The following RCAN2 variants were observed in gnomAD, a reference collection of about 807,000 sequenced individuals.
RCAN2 encodes the protein regulator of calcineurin 2, also known as calcipressin-2.
A neutral mutation model predicts 23.6 loss-of-function variants in RCAN2; 9 were observed. The observed-to-expected ratio is 0.38, with a 90% confidence interval of 0.23 to 0.67. The LOEUF (loss-of-function observed/expected upper bound fraction) is 0.67, where lower values mean the gene tolerates loss of function less well. Among genes scored for constraint, RCAN2 ranks in the 30% least tolerant of loss-of-function variants. The pLI, the probability that RCAN2 is intolerant of heterozygous loss-of-function variation, is 0.51. For synonymous variants in RCAN2, 109 were observed against 115.7 expected, an observed-to-expected ratio of 0.94 and a Z score of 0.37; for missense variants, 273 against 302.3, an observed-to-expected ratio of 0.90 and a Z score of 0.72.
intron 2 of RCAN2, among the ~76,000 whole-genome samples, chr6:46,388,158 C>T (rs1424761774): frequency 6.6e-5 from 10 of 151,858 alleles, no homozygotes; most frequent in East Asian, 5.8e-4. Context: ...ATGTAAATGA[C>T]GAGTTAATGG....
intron 2 of RCAN2, among the ~76,000 whole-genome samples, chr6:46,390,800 A>T: frequency 6.6e-6 from 1 of 152,226 alleles, no homozygotes; most frequent in East Asian, 1.9e-4. Flanking sequence ...TTTTTGAAGT[A>T]TATCGATCTT....
intron 4 of RCAN2, among the ~76,000 whole-genome samples, chr6:46,225,010 C>G (rs1765611292): frequency 1.3e-5 from 2 of 151,282 alleles, no homozygotes; most frequent in Admixed American, 1.3e-4. Context: ...TCAATTCCCA[C>G]CTATGAGTGA....
chr6:46,333,335 A>T (rs1333657794), intron 2 of RCAN2, among the ~76,000 whole-genome samples: 1 of 152,220 alleles, frequency 6.6e-6, no homozygotes, highest in Admixed American at 6.5e-5. Flanking sequence ...GATGCTGGCG[A>T]TCACACCATA....
intron 2 of RCAN2, among the ~76,000 whole-genome samples, chr6:46,373,161 T>G (rs1016939122): frequency 6.6e-5 from 10 of 152,236 alleles, no homozygotes; most frequent in Non-Finnish European, 1.5e-4. Flanking sequence ...TTAATTTTTG[T>G]TGTTTTATTA....
intron 2 of RCAN2, among the ~76,000 whole-genome samples, chr6:46,251,150 C>T (rs1766699849): frequency 6.6e-6 from 1 of 152,124 alleles, no homozygotes; most frequent in Non-Finnish European, 1.5e-5. Flanking sequence ...AGAATTTTTC[C>T]TTGTCTTATG....
chr6:46,233,853 G>A (rs930610956), intron 4 of RCAN2, among the ~76,000 whole-genome samples: 17 of 151,414 alleles, frequency 1.1e-4, no homozygotes, highest in African/African-American at 3.4e-4. Flanking sequence ...TCAGCCTCTC[G>A]AGTAGCTGGG....
intron 2 of RCAN2, among the ~76,000 whole-genome samples, chr6:46,349,951 A>G (rs1436830217): frequency 6.6e-6 from 1 of 151,992 alleles, no homozygotes; most frequent in Non-Finnish European, 1.5e-5. Flanking sequence ...CAAAATGTTC[A>G]CTCTGGTCTT....
At chr6:46,340,878 C>T (rs1275242717) in intron 2 of RCAN2, among the ~76,000 whole-genome samples, 1 of 152,078 alleles carries the variant, frequency 6.6e-6, no homozygotes, top group Non-Finnish European at 1.5e-5. Flanking sequence ...TGAATGAATC[C>T]TTGAAGGAAA....
rs1295716833 is a variant in RCAN2, at chr6:46,456,906, C to G, written c.71G>C (p.Gly24Ala). 1 of 1,550,742 alleles carries G rather than the reference C, an allele frequency of 6.4e-7. No individual in the cohort carries two copies. Among genetic ancestry groups the G allele is most frequent in the Non-Finnish European group, 8.7e-7 (1 of 1,147,024 alleles). The change falls in exon 2 of 5, where the codon GGA becomes GCA. Residue 24 changes from glycine (G) to alanine (A), a missense_variant. Transcript: ENST00000371374. ...GTCTATGCAGCACAGTAAGAAAAGT[C>G]CTCCATCTTCAGGGACGTGTCCCTG... ...GQQGHVPEDGGLFLLCCIDRD... is the reference protein window; with the variant it reads ...GQQGHVPEDGALFLLCCIDRD...
intron 2 of RCAN2, among the ~76,000 whole-genome samples, chr6:46,399,223 T>G (rs1766177684): frequency 6.6e-6 from 1 of 152,052 alleles, no homozygotes; most frequent in Admixed American, 6.5e-5. Context: ...ACATGTCTGA[T>G]GCCAAGATCG....
At chr6:46,248,936 G>A in intron 2 of RCAN2, 40 bp from the exon 3 acceptor site, 1 of 1,461,574 alleles carries the variant, frequency 6.8e-7, no homozygotes. Flanking sequence ...ATTGGCCATG[G>A]CATGGATCTC....
intron 2 of RCAN2, among the ~76,000 whole-genome samples, chr6:46,284,497 C>A (rs1001745777): frequency 2.0e-5 from 3 of 152,136 alleles, no homozygotes; most frequent in African/African-American, 7.2e-5. Context: ...TAATAAAACC[C>A]AATAGACCAG....
intron 2 of RCAN2, among the ~76,000 whole-genome samples, chr6:46,362,482 AC>A (rs1765046082): frequency 6.6e-6 from 1 of 152,188 alleles, no homozygotes; most frequent in African/African-American, 2.4e-5. Flanking sequence ...CAATGGGATG[AC>A]AAACCAAACA....
chr6:46,461,562 G>T (rs925470657), intron 1 of RCAN2, among the ~76,000 whole-genome samples: 1 of 151,136 alleles, frequency 6.6e-6, no homozygotes, highest in African/African-American at 2.4e-5. Context: ...GGGGCCTTCT[G>T]GGCTGTGGCT....
At chr6:46,438,063 G>C (rs1425210013) in intron 2 of RCAN2, among the ~76,000 whole-genome samples, 2 of 152,140 alleles carry the variant, frequency 1.3e-5, no homozygotes, top group East Asian at 3.9e-4. Flanking sequence ...CCTGGCCAGA[G>C]TCAAAGGCCA....
intron 2 of RCAN2, among the ~76,000 whole-genome samples, chr6:46,398,920 A>G (rs1014422018): frequency 1.3e-5 from 2 of 150,684 alleles, no homozygotes; most frequent in African/African-American, 4.9e-5. Context: ...AAATATATAT[A>G]TATATACATA....
intron 2 of RCAN2, among the ~76,000 whole-genome samples, chr6:46,353,407 G>T (rs139053388): frequency 5.9e-5 from 9 of 152,228 alleles, no homozygotes; most frequent in Non-Finnish European, 1.2e-4. Context: ...AGACAGTGCA[G>T]GTGCAGGTGG....
At chr6:46,372,463 G>T (rs1306388140) in intron 2 of RCAN2, among the ~76,000 whole-genome samples, 4 of 152,158 alleles carry the variant, frequency 2.6e-5, no homozygotes, top group Admixed American at 2.6e-4. Context: ...TTAACCATGG[G>T]CTGTCACAGT....
intron 2 of RCAN2, among the ~76,000 whole-genome samples, chr6:46,386,565 G>A (rs1228748614): frequency 6.0e-5 from 8 of 132,712 alleles, no homozygotes; most frequent in Admixed American, 9.0e-5. Flanking sequence ...CCGAGATCGC[G>A]CCACTGTACC....
Sources: allele counts gnomAD v4.1 joint callset (sites outside exome capture counted in the v4.1 genomes callset), GRCh38; gene constraint gnomAD v4.1.1; transcripts MANE v1.5; gene names NCBI Gene and HGNC (gene_info 2026-07-23, HGNC 2026-07-21).